The following PCDHA3 variants were observed in gnomAD, a reference collection of about 807,000 sequenced individuals.
PCDHA3 encodes protocadherin alpha-3.
In PCDHA3, 41 loss-of-function variants were observed where a neutral mutation model predicts 62.2. The observed-to-expected ratio is 0.66, with a 90% CI of 0.51 to 0.86. The LOEUF is 0.86. Ranked by LOEUF, PCDHA3 falls within the 40% of genes least tolerant of loss-of-function variation. The pLI, the probability that PCDHA3 is intolerant of heterozygous loss-of-function variation, is 0.00. For missense variants in PCDHA3, 1,304 were observed against 1,241.2 expected (o/e 1.05, Z -0.76); for synonymous variants, 640 against 555.4 (o/e 1.15, Z -2.14).
At chr5:140,913,144 A>T (rs1473490766) in intron 1 of PCDHA3, among the ~76,000 whole-genome samples, 4 of 152,180 alleles carry the variant, frequency 2.6e-5, no homozygotes, top group Non-Finnish European at 5.9e-5. Context: ...TTTTTGGAAT[A>T]GTTTGAGTAG....
At chr5:140,821,863 C>T (rs1268753327) in intron 1 of PCDHA3, 1 of 1,614,110 alleles carries the variant, frequency 6.2e-7, no homozygotes, top group African/African-American at 1.3e-5. Context: ...GAGCGGCCAG[C>T]TCCACTACTC....
chr5:140,918,895 A>G (rs1319042193), intron 1 of PCDHA3, among the ~76,000 whole-genome samples: 2 of 152,206 alleles, frequency 1.3e-5, no homozygotes, highest in East Asian at 3.9e-4. Flanking sequence ...TGAAAAATAA[A>G]TCTCTCTTGT....
At chr5:140,964,959 T>C (rs1330728069) in intron 1 of PCDHA3, among the ~76,000 whole-genome samples, 2 of 152,168 alleles carry the variant, frequency 1.3e-5, no homozygotes, top group African/African-American at 4.8e-5. Context: ...GCTTGGTTGG[T>C]GGAACGAAGG....
intron 3 of PCDHA3, among the ~76,000 whole-genome samples, chr5:141,007,425 A>G (rs369535619): frequency 6.6e-4 from 98 of 148,834 alleles, no homozygotes; most frequent in African/African-American, 2.3e-3. Context: ...AAAATTAGCC[A>G]GGCATGGTGG....
chr5:140,982,789 G>A (rs894929116), intron 3 of PCDHA3, among the ~76,000 whole-genome samples: 3 of 151,400 alleles, frequency 2.0e-5, no homozygotes, highest in Admixed American at 6.5e-5. Context: ...GTGCACGCAT[G>A]TGTGCATGTG....
At chr5:140,967,560 A>C (rs2096156699) in intron 1 of PCDHA3, 2 of 1,613,966 alleles carry the variant, frequency 1.2e-6, no homozygotes, top group Non-Finnish European at 1.7e-6. Context: ...TATCGCGTCC[A>C]GCTACGGGAG....
In PCDHA3 at chr5:140,850,519, C is replaced by T. The variant is rs2150487298; in HGVS notation, c.2394+46928C>T. On this transcript the variant is annotated intron_variant, in intron 1 of 3. Coordinates refer to ENST00000522353, the MANE Select transcript of PCDHA3 (RefSeq NM_018906.3). ...GTGTCGCTGGTGGAGAGCGGCCAGG[C>T]GCCAAAGTCATCGTCGCGGGCGTCA... 675 of 1,598,240 alleles carry T rather than the reference C, an allele frequency of 4.2e-4. 26 individuals carry two copies. In the South Asian group the frequency reaches 6.8e-3, roughly 16 times the overall value.
chr5:140,829,191 C>T (rs2150163632), intron 1 of PCDHA3: 2 of 1,614,228 alleles, frequency 1.2e-6, no homozygotes, highest in South Asian at 1.1e-5. Context: ...CAATTTGGTA[C>T]TGTCATCGCC....
intron 1 of PCDHA3, among the ~76,000 whole-genome samples, chr5:140,900,028 T>C (rs1554188848): frequency 1.3e-5 from 2 of 152,132 alleles, no homozygotes; most frequent in Admixed American, 1.3e-4. Flanking sequence ...CAGTTTGGCC[T>C]TGAATTCCTG....
intron 1 of PCDHA3, among the ~76,000 whole-genome samples, chr5:140,938,952 C>G (rs1036829091): frequency 4.6e-5 from 7 of 152,104 alleles, no homozygotes; most frequent in South Asian, 2.1e-4. Flanking sequence ...TTATAATGCT[C>G]TAGTCGGAGT....
chr5:141,004,809 C>A (rs1319049687), intron 3 of PCDHA3, among the ~76,000 whole-genome samples: 1 of 152,144 alleles, frequency 6.6e-6, no homozygotes. Context: ...AGCTCAATTG[C>A]AGATTTGATT....
intron 1 of PCDHA3, among the ~76,000 whole-genome samples, chr5:140,902,200 TTTC>T (rs1318376699): frequency 6.9e-6 from 1 of 144,634 alleles, no homozygotes; most frequent in African/African-American, 2.7e-5. Flanking sequence ...TCTCTCTCTC[TTTC>T]TTTTTTTTTT....
chr5:140,964,880 C>T (rs2095860447), intron 1 of PCDHA3, among the ~76,000 whole-genome samples: 1 of 152,168 alleles, frequency 6.6e-6, no homozygotes, highest in Admixed American at 6.5e-5. Context: ...TAAGAAGCAG[C>T]AGTGATAGGA....
intron 1 of PCDHA3, among the ~76,000 whole-genome samples, chr5:140,964,721 CA>C (rs1340678918): frequency 1.3e-5 from 2 of 151,598 alleles, no homozygotes; most frequent in African/African-American, 4.9e-5. Flanking sequence ...CAAATTACCA[CA>C]GCAAACTGAG....
At chr5:140,826,670 A>C (rs1256098007) in intron 1 of PCDHA3, among the ~76,000 whole-genome samples, 1 of 152,172 alleles carries the variant, frequency 6.6e-6, no homozygotes, top group African/African-American at 2.4e-5. Context: ...TAAATTGTAG[A>C]CGTAATTAAA....
intron 1 of PCDHA3, among the ~76,000 whole-genome samples, chr5:140,950,237 A>G (rs1192417956): frequency 6.6e-6 from 1 of 151,954 alleles, no homozygotes; most frequent in African/African-American, 2.4e-5. Flanking sequence ...AGTGCCATTA[A>G]TTTGTTCCTA....
At chr5:140,821,838 C>T in intron 1 of PCDHA3, 1 of 1,614,194 alleles carries the variant, frequency 6.2e-7, no homozygotes, top group South Asian at 1.1e-5. Flanking sequence ...TTCTCCTTGC[C>T]TACTGGAAGG....
chr5:140,847,597 C>G (rs1439547927), intron 1 of PCDHA3: 1 of 149,348 alleles, frequency 6.7e-6, no homozygotes, highest in African/African-American at 2.5e-5. Context: ...GAAATTAAAA[C>G]ATATTGTAAT....
rs142471747 is a variant in PCDHA3 at position 140,940,002 on chromosome 5, C to T, written c.2395-38947C>T. On this transcript the variant is annotated intron_variant, in intron 1 of 3. Transcript: ENST00000522353. ...TGAATTGTTTCTCCTTGGATTTTGT[C>T]AATTTTTTGTGTCATATGTTTTAAG... Among the ~76,000 whole-genome samples the T allele has an allele frequency of 5.4e-3, 828 of 152,138 alleles. 3 individuals carry two copies. The highest frequency in any genetic ancestry group is 0.019 in the African/African-American group (797 of 41,516).
Sources: gnomAD v4.1 joint callset for allele counts (sites outside exome capture counted in the v4.1 genomes callset) on GRCh38, gnomAD v4.1.1 for gene constraint, MANE v1.5 for transcripts, NCBI Gene and HGNC (gene_info 2026-07-23, HGNC 2026-07-21) for gene names.